Variants in ARMC9 observed in about 807,000 individuals in gnomAD.
ARMC9 encodes the protein armadillo repeat containing 9.
In ARMC9, 94 loss-of-function variants were observed where a neutral mutation model predicts 107.0. The ratio of observed to expected loss-of-function variants is 0.88; its 90% CI spans 0.74 to 1.04. The LOEUF (loss-of-function observed/expected upper bound fraction) is 1.04. ARMC9 is among the 50% of genes least tolerant of loss of function. ARMC9 has a pLI of 0.00. For synonymous variants in ARMC9, 380 were observed against 396.9 expected (o/e 0.96, Z 0.51); for missense variants, 942 against 1,030.1 (o/e 0.91, Z 1.17).
At chr2:231,240,971 G>A (rs182283285) in intron 9 of ARMC9, among the ~76,000 whole-genome samples, 10 of 152,232 alleles carry the variant, frequency 6.6e-5, no homozygotes, top group South Asian at 2.1e-4. Context: ...AGGCCAAGGC[G>A]GGTGGATCAC....
At chr2:231,263,725 A>G (rs576522613) in intron 12 of ARMC9, among the ~76,000 whole-genome samples, 1 of 152,204 alleles carries the variant, frequency 6.6e-6, no homozygotes, top group Non-Finnish European at 1.5e-5. Flanking sequence ...TGTAGTCTTA[A>G]TGTTCTCATG....
At chr2:231,336,725 G>A in intron 20 of ARMC9, among the ~76,000 whole-genome samples, 1 of 152,186 alleles carries the variant, frequency 6.6e-6, no homozygotes, top group East Asian at 1.9e-4. Flanking sequence ...CAGGTTCCTG[G>A]CCCCACATCC....
intron 20 of ARMC9, among the ~76,000 whole-genome samples, chr2:231,334,326 C>T (rs928864719): frequency 1.3e-5 from 2 of 152,242 alleles, no homozygotes; most frequent in African/African-American, 2.4e-5. Flanking sequence ...TCAGCTCCCC[C>T]GAAGGACTCT....
At position 231,350,028 on chromosome 2, in the gene ARMC9, A is replaced by G. The variant is rs1358116218; in HGVS notation, c.1994+4938A>G. On this transcript the variant is annotated intron_variant, in intron 21 of 24. Transcript: ENST00000611582. ...CACCTACTGTACCCACAAACATCTA[A>G]AAAAAAAAAAAAAATTGAGGGGAAG... 1.8e-4 allele frequency among the ~76,000 whole-genome samples: 18 copies of G among 100,654 alleles called. No individual in the cohort carries two copies. The East Asian group carries it at 4.6e-3, about 26-fold the overall frequency. The allele number at this position is 100,654 out of a possible 152,430, so 66.0% of individuals were successfully genotyped here.
In ARMC9 at chr2:231,282,064, G is replaced by C. The variant is rs751632551; in HGVS notation, c.1557G>C (p.Gln519His). The C allele has an allele frequency of 3.7e-6, 6 of 1,613,952 alleles. No homozygotes were observed. The African/African-American group carries it at 8.0e-5, about 22-fold the overall frequency. ...DLLGHENHEI[Q>H]PYVNGALYSI... ...TTTTTTTCCTCCCCTTAAAGATACA[G>C]CCGTATGTGAATGGAGCTCTGTACA... Residue 519 changes from glutamine to histidine, a missense_variant, in exon 17 of 25, where the codon CAG (glutamine) becomes CAC (histidine). Gln to His is a conservative substitution (Grantham distance 24). Coordinates refer to ENST00000611582, the MANE Select transcript of ARMC9 (RefSeq NM_001352754.2).
chr2:231,350,357 C>T (rs1046483440), intron 21 of ARMC9, among the ~76,000 whole-genome samples: 5 of 151,750 alleles, frequency 3.3e-5, no homozygotes, highest in Admixed American at 1.3e-4. Context: ...AAAAATATTA[C>T]GGTACTTTGT....
intron 18 of ARMC9, chr2:231,295,962 C>G: frequency 2.8e-6 from 1 of 354,860 alleles, no homozygotes; most frequent in African/African-American, 2.1e-5. Flanking sequence ...TTTAATTTTC[C>G]CCATGCTACT....
chr2:231,247,734 C>A (rs2036908478), intron 9 of ARMC9, among the ~76,000 whole-genome samples: 1 of 152,114 alleles, frequency 6.6e-6, no homozygotes, highest in African/African-American at 2.4e-5. Context: ...AGTTTGAGAC[C>A]AGCCTGGCCA....
chr2:231,235,903 A>G (rs940958252), intron 8 of ARMC9, among the ~76,000 whole-genome samples: 1 of 152,140 alleles, frequency 6.6e-6, no homozygotes, highest in Admixed American at 6.5e-5. Context: ...TGGCCTCCCA[A>G]AGTGCTGGTA....
At chr2:231,235,151 C>A (rs2035591554) in intron 7 of ARMC9, 73 bp from the exon 8 acceptor site, 2 of 1,469,758 alleles carry the variant, frequency 1.4e-6, no homozygotes, top group South Asian at 2.7e-5. Context: ...TATGGTAGTT[C>A]TTTGAGAAGA....
At chr2:231,199,906 C>G (rs1285145558) in intron 1 of ARMC9, among the ~76,000 whole-genome samples, 1 of 152,176 alleles carries the variant, frequency 6.6e-6, no homozygotes, top group Non-Finnish European at 1.5e-5. Flanking sequence ...CCATGTTGAT[C>G]AGGCTGGTCT....
At chr2:231,364,750 A>T (rs2045742185) in intron 23 of ARMC9, among the ~76,000 whole-genome samples, 1 of 151,546 alleles carries the variant, frequency 6.6e-6, no homozygotes, top group South Asian at 2.1e-4. Context: ...GTGAGCCGAG[A>T]TCACACCATT....
intron 18 of ARMC9, among the ~76,000 whole-genome samples, chr2:231,293,357 A>G (rs1056235748): frequency 2.0e-5 from 3 of 152,114 alleles, no homozygotes; most frequent in Admixed American, 6.5e-5. Context: ...CATCCGCGCC[A>G]TAGTCATCAG....
chr2:231,317,848 G>A lies in ARMC9; in HGVS notation c.1774-13945G>A, dbSNP rs559152453. Among the ~76,000 whole-genome samples the A allele has an allele frequency of 3.3e-5, 5 of 151,944 alleles. No individual in the cohort carries two copies. The South Asian group carries it at 8.3e-4, about 25-fold the overall frequency. On this transcript the variant is annotated intron_variant, in intron 19 of 24. Transcript: ENST00000611582. ...AATTCCCATTTGGTTCCTTTTTATA[G>A]TGTCTATTTTTCTGTTGAGATTTCC... is the stretch of plus-strand genomic sequence containing the variant.
chr2:231,310,059 C>T (rs574053445), intron 19 of ARMC9, among the ~76,000 whole-genome samples: 12 of 152,266 alleles, frequency 7.9e-5, no homozygotes, highest in South Asian at 2.1e-4. Flanking sequence ...AGTGGAGTGA[C>T]GAGGACTACA....
At chr2:231,215,196 T>G in intron 4 of ARMC9, 195 bp downstream of exon 4, 1 of 584,630 alleles carries the variant, frequency 1.7e-6, no homozygotes, top group Non-Finnish European at 2.8e-6. Flanking sequence ...CTATGGAGAT[T>G]TAATAATTTC....
intron 9 of ARMC9, among the ~76,000 whole-genome samples, chr2:231,252,501 C>T (rs1021594452): frequency 1.3e-5 from 2 of 152,196 alleles, no homozygotes; most frequent in Non-Finnish European, 1.5e-5. Context: ...CCACCCACCT[C>T]GGCCTCCCAA....
Position 231,362,665 on chromosome 2 carries a change from A to G in ARMC9, c.2261+1782A>G, listed in dbSNP as rs1233425145. On this transcript the variant is annotated intron_variant, in intron 23 of 24. Transcript: ENST00000611582. This position sits in a 1 kb window ranked among gnomAD's most constrained non-coding sequence, Gnocchi z 4.7. ...GAGGATGGAAGGAGGGAGAAGTACAAGTTGTTCCATCTTCCTCTTCCTCCC... is the reference window on the plus strand; with the variant it reads ...GAGGATGGAAGGAGGGAGAAGTACAGGTTGTTCCATCTTCCTCTTCCTCCC... The G allele has an allele frequency of 6.5e-6, 1 of 152,850 alleles. No individual in the cohort carries two copies. The highest frequency in any genetic ancestry group is 1.5e-5 in the Non-Finnish European group (1 of 68,038). The allele number at this position is 152,850 out of a possible 1,614,324, so 9.5% of individuals were successfully genotyped here. A position where few individuals can be genotyped will look rare whatever the true frequency, so the allele number is the denominator to read the frequency against.
chr2:231,272,210 TGAG>T (rs1318070974), intron 13 of ARMC9, among the ~76,000 whole-genome samples: 2 of 141,860 alleles, frequency 1.4e-5, no homozygotes, highest in African/African-American at 5.3e-5. Flanking sequence ...TTTTTTTTTT[TGAG>T]AGAGTCTCAC....
Sources: gnomAD v4.1 joint callset for allele counts (sites outside exome capture counted in the v4.1 genomes callset) on GRCh38, gnomAD v4.1.1 for gene constraint, Gnocchi (gnomAD v3.1) non-coding constraint, MANE v1.5 for transcripts, NCBI Gene and HGNC (gene_info 2026-07-23, HGNC 2026-07-21) for gene names.